The following FMN1 variants were observed in gnomAD, a reference collection of about 807,000 sequenced individuals.
The protein encoded by FMN1 is formin 1.
FMN1 carries 110 observed loss-of-function variants against 132.4 expected under a neutral mutation model. The observed-to-expected ratio is 0.83, with a 90% CI of 0.71 to 0.97. The LOEUF (loss-of-function observed/expected upper bound fraction) is 0.97, where lower values mean the gene tolerates loss of function less well. FMN1 is among the 50% of genes least tolerant of loss of function. The probability of loss-of-function intolerance (pLI) is 0.00; values close to 1 mark genes in which losing one functional copy is unlikely to be tolerated. For missense variants in FMN1, 1,792 were observed against 1,705.3 expected (o/e 1.05, Z -0.90); for synonymous variants, 722 against 651.7 (o/e 1.11, Z -1.64).
intron 15 of FMN1, among the ~76,000 whole-genome samples, chr15:32,895,590 A>G (rs1395628569): frequency 2.0e-5 from 3 of 152,116 alleles, no homozygotes; most frequent in Admixed American, 1.3e-4. Flanking sequence ...AACAGAGAAT[A>G]TATTGATTTA....
chr15:33,093,248 G>A (rs1196451999), intron 4 of FMN1, among the ~76,000 whole-genome samples: 1 of 148,106 alleles, frequency 6.8e-6, no homozygotes, highest in East Asian at 1.9e-4. Context: ...TAGCTCCTGT[G>A]TTGTAGTGCC....
In FMN1 at chr15:32,769,785, T is replaced by A. The variant is rs1038391614; in HGVS notation, c.*4525A>T. On this transcript the variant is annotated 3_prime_UTR_variant, in exon 21 of 21. Coordinates refer to ENST00000616417, the MANE Select transcript of FMN1 (RefSeq NM_001277313.2). ...CTTTATGAGGTCAAAGTAGCAGACA[T>A]GAATGAAAGTTCACTTCTTTATTCT... 6.6e-6 allele frequency: 1 copy of A among 152,228 alleles called. No homozygotes were observed. Among genetic ancestry groups the A allele is most frequent in the Non-Finnish European group, 1.5e-5 (1 of 68,048 alleles). The allele number at this position is 152,228 out of a possible 1,614,324, so 9.4% of individuals were successfully genotyped here.
chr15:32,800,437 AC>A (rs2057439291), intron 18 of FMN1, among the ~76,000 whole-genome samples: 1 of 152,180 alleles, frequency 6.6e-6, no homozygotes, highest in South Asian at 2.1e-4. Flanking sequence ...CCCAGACATA[AC>A]CCTTATTTCC....
At chr15:32,915,490 GCTCC>G (rs1303495014) in intron 10 of FMN1, among the ~76,000 whole-genome samples, 21 of 152,244 alleles carry the variant, frequency 1.4e-4, no homozygotes, top group Admixed American at 4.6e-4. Context: ...AGATCAGATC[GCTCC>G]CTCCATTTTA....
chr15:33,150,297 A>G, intron 4 of FMN1: 3 of 985,478 alleles, frequency 3.0e-6, no homozygotes, highest in Non-Finnish European at 3.6e-6. Context: ...GTTTGGGGGA[A>G]GACCATACTC....
chr15:33,151,488 G>T, intron 4 of FMN1: 1 of 1,078,038 alleles, frequency 9.3e-7, no homozygotes, highest in Non-Finnish European at 1.3e-6. Flanking sequence ...GTCTCCAACA[G>T]AAACTGAATG....
At chr15:32,987,826 A>T (rs1175607225) in intron 7 of FMN1, among the ~76,000 whole-genome samples, 2 of 152,148 alleles carry the variant, frequency 1.3e-5, no homozygotes, top group Non-Finnish European at 2.9e-5. Flanking sequence ...GCCAGTACTA[A>T]AACTTGGAGC....
chr15:33,115,953 T>C (rs544268590), intron 4 of FMN1, among the ~76,000 whole-genome samples: 1 of 152,138 alleles, frequency 6.6e-6, no homozygotes, highest in African/African-American at 2.4e-5. Flanking sequence ...CACACCTGCT[T>C]GCAATAATAG....
At chr15:32,945,206 C>T (rs2140462057) in intron 9 of FMN1, among the ~76,000 whole-genome samples, 1 of 152,270 alleles carries the variant, frequency 6.6e-6, no homozygotes, top group South Asian at 2.1e-4. Context: ...ATCATTGGCA[C>T]TTAGCACGGT....
At chr15:32,823,152 G>GTT (rs373185751) in intron 17 of FMN1, among the ~76,000 whole-genome samples, 1,815 of 86,014 alleles carry the variant, frequency 0.021, 300 homozygotes, top group African/African-American at 0.048. Flanking sequence ...AGTTTCTACT[G>GTT]TTTTTTTTTT....
intron 4 of FMN1, among the ~76,000 whole-genome samples, chr15:33,131,286 T>A (rs907485598): frequency 1.7e-4 from 23 of 131,730 alleles, no homozygotes; most frequent in Non-Finnish European, 2.4e-4. Flanking sequence ...CTGAGATCGC[T>A]CCACTGCACT....
intron 17 of FMN1, among the ~76,000 whole-genome samples, chr15:32,808,378 C>G (rs2057755233): frequency 6.6e-6 from 1 of 152,226 alleles, no homozygotes; most frequent in Non-Finnish European, 1.5e-5. Context: ...ATGATACCTA[C>G]CCTCCCACAT....
intron 3 of FMN1, among the ~76,000 whole-genome samples, chr15:33,156,503 T>A (rs1964679442): frequency 6.6e-6 from 1 of 151,084 alleles, no homozygotes; most frequent in African/African-American, 2.4e-5. Context: ...TTTCCCAGGG[T>A]GGTCTGGAAA....
At chr15:33,028,014 A>G (rs2035760735) in intron 6 of FMN1, among the ~76,000 whole-genome samples, 1 of 152,242 alleles carries the variant, frequency 6.6e-6, no homozygotes, top group South Asian at 2.1e-4. Context: ...TGGGCAAGTC[A>G]AAATTTCTCC....
At chr15:33,129,203 G>A (rs1182359925) in intron 4 of FMN1, among the ~76,000 whole-genome samples, 2 of 152,208 alleles carry the variant, frequency 1.3e-5, no homozygotes, top group African/African-American at 4.8e-5. Context: ...CCACAATGCA[G>A]TTAGCTACCA....
intron 17 of FMN1, among the ~76,000 whole-genome samples, chr15:32,848,215 T>C (rs997923483): frequency 1.3e-5 from 2 of 152,156 alleles, no homozygotes; most frequent in African/African-American, 2.4e-5. Flanking sequence ...TACCTAATAA[T>C]AACATCACAA....
chr15:32,817,255 G>A (rs895049963), intron 17 of FMN1, among the ~76,000 whole-genome samples: 2 of 152,226 alleles, frequency 1.3e-5, no homozygotes, highest in Non-Finnish European at 2.9e-5. Flanking sequence ...AATAGCCATT[G>A]CTATCCTTAA....
intron 3 of FMN1, among the ~76,000 whole-genome samples, chr15:33,160,838 G>A (rs2140299888): frequency 6.6e-6 from 1 of 152,228 alleles, no homozygotes; most frequent in East Asian, 1.9e-4. Context: ...TTCTGTCTAT[G>A]ACAACATTGC....
intron 16 of FMN1, among the ~76,000 whole-genome samples, chr15:32,857,903 T>A (rs1344422241): frequency 1.3e-5 from 2 of 152,222 alleles, no homozygotes; most frequent in Non-Finnish European, 2.9e-5. Context: ...AAGGTTCCTA[T>A]GTGTTTGTGC....
Sources: gnomAD v4.1 joint callset for allele counts (sites outside exome capture counted in the v4.1 genomes callset) on GRCh38, gnomAD v4.1.1 for gene constraint, MANE v1.5 for transcripts, NCBI Gene and HGNC (gene_info 2026-07-23, HGNC 2026-07-21) for gene names.